The following CHUK variants were observed in gnomAD, a reference collection of about 807,000 sequenced individuals.
CHUK encodes inhibitor of nuclear factor kappa-B kinase subunit alpha.
A neutral mutation model predicts 104.8 loss-of-function variants in CHUK; 35 were observed. That is an observed-to-expected ratio of 0.33 (90% CI 0.26 to 0.44). The LOEUF (loss-of-function observed/expected upper bound fraction) is 0.44, where lower values mean the gene tolerates loss of function less well. CHUK is among the 20% of genes least tolerant of loss of function. The pLI, the probability that CHUK is intolerant of heterozygous loss-of-function variation, is 1.00. For synonymous variants in CHUK, 276 were observed against 291.9 expected (o/e 0.95, Z 0.56); for missense variants, 663 against 902.7 (o/e 0.73, Z 3.40).
At chr10:100,205,020 T>G in intron 12 of CHUK, 56 bp downstream of exon 12, 1 of 1,600,668 alleles carries the variant, frequency 6.2e-7, no homozygotes, top group Non-Finnish European at 8.6e-7. Flanking sequence ...GCAAGATTAA[T>G]TCTTGAGTAT....
chr10:100,217,501 C>T (rs1263161740), intron 9 of CHUK, among the ~76,000 whole-genome samples: 2 of 152,136 alleles, frequency 1.3e-5, no homozygotes, highest in Non-Finnish European at 2.9e-5. Flanking sequence ...GAGTAATTAA[C>T]AAAGACCACA....
intron 10 of CHUK, among the ~76,000 whole-genome samples, chr10:100,207,917 T>TA (rs1845626911): frequency 6.6e-6 from 1 of 151,776 alleles, no homozygotes; most frequent in African/African-American, 2.4e-5. Context: ...AAAAAAGAAA[T>TA]AAAAAATCAC....
At chr10:100,194,247 T>C (rs1349668272) in intron 17 of CHUK, 116 bp from the exon 18 acceptor site, 12 of 1,226,796 alleles carry the variant, frequency 9.8e-6, no homozygotes, top group Non-Finnish European at 1.4e-5. Flanking sequence ...ATGACTTATC[T>C]CCAAAGTAAT....
intron 9 of CHUK, among the ~76,000 whole-genome samples, chr10:100,213,061 T>C (rs1845766905): frequency 6.6e-6 from 1 of 151,134 alleles, no homozygotes; most frequent in Non-Finnish European, 1.5e-5. Flanking sequence ...GGATACTGAA[T>C]ATTCCCAACA....
chr10:100,204,696 T>C (rs1168727180), intron 12 of CHUK, 39 bp from the exon 13 acceptor site: 2 of 1,507,436 alleles, frequency 1.3e-6, no homozygotes, highest in Non-Finnish European at 1.8e-6. Context: ...AGAAAAAAGA[T>C]ATTATCAGCA....
chr10:100,223,622 GAAAA>G (rs550248492), intron 2 of CHUK, among the ~76,000 whole-genome samples: 2 of 149,854 alleles, frequency 1.3e-5, no homozygotes, highest in African/African-American at 5.0e-5. Context: ...AAAAAAAAAA[GAAAA>G]AAAGAAAAAG....
intron 16 of CHUK, among the ~76,000 whole-genome samples, chr10:100,199,070 G>T (rs988075815): frequency 4.6e-5 from 7 of 152,158 alleles, no homozygotes; most frequent in African/African-American, 1.7e-4. Flanking sequence ...TTTGCCTGAG[G>T]TAACGGTCAG....
intron 9 of CHUK, among the ~76,000 whole-genome samples, chr10:100,210,091 A>ATTTATT (rs58570772): frequency 0.042 from 5,095 of 121,576 alleles, 365 homozygotes; most frequent in African/African-American, 0.14. Flanking sequence ...TTATTTATTT[A>ATTTATT]TTTTTTTTTT....
chr10:100,191,674 G>A (rs1422783707), intron 19 of CHUK, among the ~76,000 whole-genome samples: 4 of 152,152 alleles, frequency 2.6e-5, no homozygotes, highest in South Asian at 2.1e-4. Flanking sequence ...ACAAGAGTCC[G>A]TTTTAGGTCA....
At chr10:100,197,448 G>A (rs7358176) in intron 16 of CHUK, among the ~76,000 whole-genome samples, 7,423 of 152,106 alleles carry the variant, frequency 0.049, 597 homozygotes, top group African/African-American at 0.17. Flanking sequence ...AAACTTTTTG[G>A]TCTCAGGACC....
At chr10:100,195,181 T>C (rs1845296179) in intron 16 of CHUK, 1 of 152,214 alleles carries the variant, frequency 6.6e-6, no homozygotes, top group African/African-American at 2.4e-5. Flanking sequence ...AAAAAAATCA[T>C]TAATTGTTAT....
Position 100,190,894 on chromosome 10 carries a change from T to C in CHUK, c.2183A>G (p.Asn728Ser), listed in dbSNP as rs149125545. 2 of 1,610,230 alleles carry C rather than the reference T, an allele frequency of 1.2e-6. No homozygotes were observed. Among genetic ancestry groups the C allele is most frequent in the Non-Finnish European group, 1.7e-6 (2 of 1,176,372 alleles). ...CATCATACTATTGCCCTGTTCCTCA[T>C]TTGCCTCATGAATAATAGTGCTTAA... is the stretch of plus-strand genomic sequence containing the variant. ...GHLSTIIHEA[N>S]EEQGNSMMNL... The change falls in exon 20 of 21, where the codon AAT becomes AGT. Residue 728 changes from asparagine to serine, a missense_variant. Physicochemically the swap from Asn to Ser is conservative, Grantham distance 46 (BLOSUM62 1). Coordinates refer to ENST00000370397, the MANE Select transcript of CHUK (RefSeq NM_001278.5).
chr10:100,191,428 A>G (rs1308722987), intron 19 of CHUK, among the ~76,000 whole-genome samples: 3 of 152,366 alleles, frequency 2.0e-5, no homozygotes, highest in African/African-American at 7.2e-5. Context: ...TGTTCTGTAG[A>G]GATCACAGAA....
chr10:100,197,565 C>T (rs1216303364), intron 16 of CHUK, among the ~76,000 whole-genome samples: 1 of 152,098 alleles, frequency 6.6e-6, no homozygotes, highest in Non-Finnish European at 1.5e-5. Flanking sequence ...AAACCTATTG[C>T]CCATTAACAT....
At chr10:100,195,807 A>T (rs1290582385) in intron 16 of CHUK, 1 of 152,244 alleles carries the variant, frequency 6.6e-6, no homozygotes, top group African/African-American at 2.4e-5. Context: ...CAAAGAAGCT[A>T]CCTGGGTAGC....
chr10:100,187,637 G>GTGGTCCAA (rs1483160372), downstream of CHUK: 3 of 152,094 alleles, frequency 2.0e-5, no homozygotes, highest in Non-Finnish European at 4.4e-5. Flanking sequence ...CCAAAAAATA[G>GTGGTCCAA]TGGTCCAACT....
chr10:100,210,323 G>T (rs1823625), intron 9 of CHUK, among the ~76,000 whole-genome samples: 1 of 151,756 alleles, frequency 6.6e-6, no homozygotes, highest in Admixed American at 6.6e-5. Context: ...TCCTGACCTC[G>T]TGATCCGCCC....
Position 100,220,689 on chromosome 10 carries a change from T to C in CHUK, c.386-13A>G. On this transcript the variant is annotated splice_polypyrimidine_tract_variant and intron_variant, in intron 4 of 20. Coordinates refer to ENST00000370397, the MANE Select transcript of CHUK (RefSeq NM_001278.5). The stretch of plus-strand genomic sequence containing the variant: ...CGAATCCCAGACCCTAAATAAAGTT[T>C]AAAATATACTTTAAAGTAACAGAAA... 1 of 1,551,078 alleles carries C rather than the reference T, an allele frequency of 6.4e-7. No homozygotes were observed. Among genetic ancestry groups the C allele is most frequent in the South Asian group, 1.1e-5 (1 of 89,754 alleles).
intron 16 of CHUK, among the ~76,000 whole-genome samples, chr10:100,198,328 A>G (rs1172414041): frequency 6.6e-6 from 1 of 152,236 alleles, no homozygotes; most frequent in East Asian, 1.9e-4. Flanking sequence ...CCATTTCATC[A>G]CACAAAATAT....
Sources: gnomAD v4.1 joint callset for allele counts (sites outside exome capture counted in the v4.1 genomes callset) on GRCh38, gnomAD v4.1.1 for gene constraint, MANE v1.5 for transcripts, NCBI Gene and HGNC (gene_info 2026-07-23, HGNC 2026-07-21) for gene names.